Variants in ATP8B3 observed in about 807,000 individuals in gnomAD.
ATP8B3 encodes ATPase phospholipid transporting 8B3.
Under a neutral mutation model 140.9 loss-of-function variants are expected in ATP8B3, and 141 were observed. The ratio of observed to expected loss-of-function variants is 1.00; its 90% CI spans 0.87 to 1.15. The LOEUF (loss-of-function observed/expected upper bound fraction) is 1.15. Ranked by LOEUF, ATP8B3 falls within the 50% of genes most tolerant of loss-of-function variation. ATP8B3 has a pLI of 0.00. For synonymous variants in ATP8B3, 765 were observed against 714.6 expected (o/e 1.07, Z -1.13); for missense variants, 1,874 against 1,740.6 (o/e 1.08, Z -1.36).
In ATP8B3 at chr19:1,783,171, A is replaced by G. The variant is rs777644655; in HGVS notation, c.3760T>C (p.Phe1254Leu). The G allele has an allele frequency of 3.1e-6, 5 of 1,613,538 alleles. No individual in the cohort carries two copies. The highest frequency in any genetic ancestry group is 4.2e-6 in the Non-Finnish European group (5 of 1,179,760). The change falls in exon 29 of 29, where the codon TTC (phenylalanine) becomes CTC (leucine). Residue 1254 changes from phenylalanine to leucine, a missense_variant. Physicochemically the swap from Phe to Leu is conservative, Grantham distance 22. Around this residue, in one of 3 missense-constraint regions of ATP8B3, gnomAD observed 840 missense variants for 760.9 expected, o/e 1.10. Transcript: ENST00000310127. ...ESRARRSSYA[F>L]SHREGYANLI... ...TTTGCATATCCCTCACGGTGGGAGA[A>G]AGCATAGCTGGAACGGCGGGCACGA...
At chr19:1,802,365 C>T in intron 11 of ATP8B3, 122 bp downstream of exon 11, 1 of 783,084 alleles carries the variant, frequency 1.3e-6, no homozygotes, top group Non-Finnish European at 1.8e-6. Context: ...ATTTGTCTAT[C>T]CATCCATGCA....
chr19:1,783,549 G>A (rs1378701905), intron 28 of ATP8B3, among the ~76,000 whole-genome samples: 1 of 152,146 alleles, frequency 6.6e-6, no homozygotes, highest in African/African-American at 2.4e-5. Flanking sequence ...CTTAACTCGG[G>A]ACCACCCAAT....
intron 24 of ATP8B3, among the ~76,000 whole-genome samples, chr19:1,788,376 C>A (rs1349060128): frequency 1.3e-5 from 2 of 152,184 alleles, no homozygotes; most frequent in African/African-American, 4.8e-5. Context: ...GTGTGCCGGG[C>A]ACGGTGGCTC....
chr19:1,795,878 C>T lies in ATP8B3; in HGVS notation c.2052G>A (p.Leu684=). 6.2e-7 allele frequency: 1 copy of T among 1,611,182 alleles called. No homozygotes were observed. The highest frequency in any genetic ancestry group is 1.1e-5 in the South Asian group (1 of 91,042). The change falls in exon 18 of 29, where the codon TTG becomes TTA. Residue 684 remains leucine (L), a synonymous_variant. Coordinates refer to ENST00000310127, the MANE Select transcript of ATP8B3 (RefSeq NM_138813.4). Reference sequence around the variant, plus strand: ...CAGCCTTCCTGAAGGGACTCACAGCCAAGGCCTCCTCTGTGGCAAATTCCA... The same window carrying T: ...CAGCCTTCCTGAAGGGACTCACAGCTAAGGCCTCCTCTGTGGCAAATTCCA... ...GAMEFATEEA[L]AAFAQETLRT...
At chr19:1,808,631 T>C (rs544386308) in intron 4 of ATP8B3, among the ~76,000 whole-genome samples, 9 of 152,272 alleles carry the variant, frequency 5.9e-5, no homozygotes, top group African/African-American at 2.2e-4. Context: ...TGCTCAGTAA[T>C]GTAAAAGCCT....
chr19:1,810,529 G>T, intron 3 of ATP8B3, 93 bp downstream of exon 3: 1 of 1,288,190 alleles, frequency 7.8e-7, no homozygotes, highest in Non-Finnish European at 1.1e-6. Flanking sequence ...CTCCCAAAGT[G>T]CCGGGATTAC....
rs767016943 is a variant in ATP8B3 at position 1,805,894 on chromosome 19, AT to A, written c.814del (p.Ile272LeufsTer7). ...CGATGCCACAGCTCCTCACCCGTCA[AT>A]GTCCACCGTCTCCACATAGCACAGG... ...SSLCYVETVDIDGETNLKFRQ... is the reference protein window; with the variant it reads ...SSLCYVETVDXDGETNLKFRQ... On this transcript the variant is annotated frameshift_variant, in exon 9 of 29. Coordinates refer to ENST00000310127, the MANE Select transcript of ATP8B3 (RefSeq NM_138813.4). LOFTEE classifies it high-confidence loss of function. This position sits in a 1 kb window ranked among gnomAD's most constrained non-coding sequence, Gnocchi z 5.2. 1 of 1,612,778 alleles carries A rather than the reference AT, an allele frequency of 6.2e-7. No individual in the cohort carries two copies.
In ATP8B3 at chr19:1,811,540, C is replaced by A; in HGVS notation, c.197G>T (p.Arg66Met). The A allele has an allele frequency of 2.5e-6, 4 of 1,612,406 alleles. No homozygotes were observed. Among genetic ancestry groups the A allele is most frequent in the Non-Finnish European group, 3.4e-6 (4 of 1,179,780 alleles). Residue 66 changes from arginine (R) to methionine (M), a missense_variant, in exon 2 of 29, where the codon AGG (arginine) becomes ATG (methionine). Physicochemically the swap from Arg to Met is moderately conservative, Grantham distance 91. Coordinates refer to ENST00000310127, the MANE Select transcript of ATP8B3 (RefSeq NM_138813.4). ...AGCCCGGCCAGGCTGGGCCTTGTGC[C>A]TCCTCTCAGGTGCCCCTCTGCCTGG... ...DSPGRGAPER[R>M]HKAQPGRARK...
chr19:1,791,697 T>G, intron 20 of ATP8B3, 53 bp downstream of exon 20: 2 of 1,400,286 alleles, frequency 1.4e-6, no homozygotes, highest in African/African-American at 1.4e-5. Flanking sequence ...TTCAGGGAAG[T>G]TTGAAGACCC....
At position 1,811,859 on chromosome 19, in the gene ATP8B3, AT is replaced by A; in HGVS notation, c.-124del. 9.2e-7 allele frequency: 1 copy of A among 1,091,428 alleles called. No individual in the cohort carries two copies. Among genetic ancestry groups the A allele is most frequent in the Non-Finnish European group, 1.3e-6 (1 of 789,644 alleles). The allele number at this position is 1,091,428 out of a possible 1,614,324, so 67.6% of individuals were successfully genotyped here. The stretch of plus-strand genomic sequence containing the variant: ...TTGGAGAGTTGGAGAGAATGCTCAA[AT>A]GGCCAGAATCCACTCGAAGTGTATC... On this transcript the variant is annotated 5_prime_UTR_variant, in exon 2 of 29. Coordinates refer to ENST00000310127, the MANE Select transcript of ATP8B3 (RefSeq NM_138813.4).
chr19:1,799,585 G>A (rs2068778703), intron 14 of ATP8B3: 1 of 470,050 alleles, frequency 2.1e-6, no homozygotes, highest in Non-Finnish European at 3.7e-6. Flanking sequence ...GGCCAACATG[G>A]TGAAACCCCA....
Position 1,785,202 on chromosome 19 carries a change from G to T in ATP8B3, c.3489C>A (p.Ser1163Arg). 6.2e-7 allele frequency: 1 copy of T among 1,604,280 alleles called. No individual in the cohort carries two copies. The highest frequency in any genetic ancestry group is 2.2e-5 in the East Asian group (1 of 44,542). Reference sequence around the variant, plus strand: ...TGGGGGATACTCTGAAGAGCCAGAAGCTCTGGGTGGTGGTAGTCATGATGG... The same window carrying T: ...TGGGGGATACTCTGAAGAGCCAGAATCTCTGGGTGGTGGTAGTCATGATGG... ...FYAIMTTTTQ[S>R]FWLFRVSPTT... is the part of the protein sequence containing the mutation. Residue 1163 changes from serine (S) to arginine (R), a missense_variant, in exon 27 of 29, where the codon AGC (serine) becomes AGA (arginine). Ser to Arg is a moderately radical substitution (Grantham distance 110). Around this residue, in one of 3 missense-constraint regions of ATP8B3, gnomAD observed 840 missense variants for 760.9 expected, o/e 1.10. Coordinates refer to ENST00000310127, the MANE Select transcript of ATP8B3 (RefSeq NM_138813.4).
chr19:1,789,637 T>C lies in ATP8B3; in HGVS notation c.2569A>G (p.Arg857Gly). 1 of 1,596,062 alleles carries C rather than the reference T, an allele frequency of 6.3e-7. No individual in the cohort carries two copies. Among genetic ancestry groups the C allele is most frequent in the South Asian group, 1.1e-5 (1 of 89,046 alleles). Reference protein sequence around the residue: ...DEAWQELGQSRRDFLYARRLS... With the variant: ...DEAWQELGQSGRDFLYARRLS... Reference sequence around the variant, plus strand: ...CGCCTGGCGTAGAGGAAATCCCTCCTGGACTGGCCGAGCTCCTGCCACGCC... The same window carrying C: ...CGCCTGGCGTAGAGGAAATCCCTCCCGGACTGGCCGAGCTCCTGCCACGCC... The change falls in exon 23 of 29, where the codon AGG becomes GGG. Residue 857 changes from arginine to glycine, a missense_variant. This residue lies in a region of ATP8B3 where 840 missense variants were observed against 760.9 expected (regional missense o/e 1.10). Coordinates refer to ENST00000310127, the MANE Select transcript of ATP8B3 (RefSeq NM_138813.4).
rs373804797 is a variant in ATP8B3 at position 1,810,755 on chromosome 19, A to G, written c.249-72T>C. The G allele has an allele frequency of 4.8e-4, 704 of 1,452,902 alleles. 7 individuals carry two copies. In the South Asian group the frequency reaches 8.2e-3, roughly 17 times the overall value. The allele number at this position is 1,452,902 out of a possible 1,614,324, so 90.0% of individuals were successfully genotyped here. On this transcript the variant is annotated intron_variant, in intron 2 of 28. Transcript: ENST00000310127. ...GCTGGGCACCACTCGGTCTTCAAGG[A>G]GCTCACAGCCTAGGGGCCGACCCTC... is the stretch of plus-strand genomic sequence containing the variant.
intron 25 of ATP8B3, among the ~76,000 whole-genome samples, chr19:1,786,873 G>C (rs564572713): frequency 3.0e-3 from 452 of 152,290 alleles, no homozygotes; most frequent in Non-Finnish European, 5.3e-3. Context: ...TCCAGCACAG[G>C]GTGGGGGCTC....
At chr19:1,786,304 G>A (rs1437821956) in intron 25 of ATP8B3, among the ~76,000 whole-genome samples, 1 of 152,012 alleles carries the variant, frequency 6.6e-6, no homozygotes, top group Non-Finnish European at 1.5e-5. Context: ...GGTGGCTCAC[G>A]CCTGTAATCC....
rs1651436304 is a variant in ATP8B3 at position 1,811,474 on chromosome 19, T to C, written c.248+15A>G. On this transcript the variant is annotated intron_variant, in intron 2 of 28. Transcript: ENST00000310127. The stretch of plus-strand genomic sequence containing the variant: ...CTGCCCCTGTGTTCCGGCCACCCGA[T>C]GCACCCGTCCTCACCCTTCTGGTCT... 4 of 1,607,406 alleles carry C rather than the reference T, an allele frequency of 2.5e-6. No individual in the cohort carries two copies. The highest frequency in any genetic ancestry group is 3.4e-6 in the Non-Finnish European group (4 of 1,177,210).
chr19:1,803,489 A>G (rs954393974), intron 10 of ATP8B3, among the ~76,000 whole-genome samples: 4 of 152,248 alleles, frequency 2.6e-5, no homozygotes, highest in Admixed American at 2.0e-4. Flanking sequence ...CCCAGTGAGA[A>G]TGCTGGGGCA....
Position 1,796,276 on chromosome 19 carries a change from G to A in ATP8B3, c.1754-11C>T. On this transcript the variant is annotated splice_polypyrimidine_tract_variant and intron_variant, in intron 16 of 28. Coordinates refer to ENST00000310127, the MANE Select transcript of ATP8B3 (RefSeq NM_138813.4). Reference sequence around the variant, plus strand: ...GGTACAACAGCTGGTCTGGTAGGGAGGGGGGCCATTTTGGGGTCACGTGGT... The same window carrying A: ...GGTACAACAGCTGGTCTGGTAGGGAAGGGGGCCATTTTGGGGTCACGTGGT... The A allele has an allele frequency of 6.3e-6, 10 of 1,598,730 alleles. No homozygotes were observed. Among genetic ancestry groups the A allele is most frequent in the Non-Finnish European group, 8.5e-6 (10 of 1,174,496 alleles).
Sources: gnomAD v4.1 joint callset for allele counts (sites outside exome capture counted in the v4.1 genomes callset) on GRCh38, gnomAD v4.1.1 for gene constraint, gnomAD v4.1.1 regional missense constraint, Gnocchi (gnomAD v3.1) non-coding constraint, MANE v1.5 for transcripts, NCBI Gene and HGNC (gene_info 2026-07-23, HGNC 2026-07-21) for gene names.